Variants in ZC3H13 observed in about 807,000 individuals in gnomAD.
ZC3H13 encodes the protein zinc finger CCCH domain-containing protein 13.
Under a neutral mutation model 204.1 loss-of-function variants are expected in ZC3H13, and 64 were observed. That is an observed-to-expected ratio of 0.31 (90% CI 0.26 to 0.39). The LOEUF is 0.39. ZC3H13 is among the 10% of genes least tolerant of loss of function. The pLI, the probability that ZC3H13 is intolerant of heterozygous loss-of-function variation, is 1.00. For missense variants in ZC3H13, 1,833 were observed against 2,082.7 expected (o/e 0.88, Z 2.33); for synonymous variants, 667 against 693.7 (o/e 0.96, Z 0.60).
At chr13:46,012,956 A>G (rs578034764) in intron 5 of ZC3H13, among the ~76,000 whole-genome samples, 4 of 152,354 alleles carry the variant, frequency 2.6e-5, no homozygotes, top group African/African-American at 9.6e-5. Context: ...AGAATGATTA[A>G]CAGTGTTTCT....
At chr13:45,989,952 T>C (rs2039853160) in intron 8 of ZC3H13, among the ~76,000 whole-genome samples, 1 of 152,248 alleles carries the variant, frequency 6.6e-6, no homozygotes, top group Non-Finnish European at 1.5e-5. Context: ...TCTCAAGAGC[T>C]AAAAGCTTAT....
chr13:46,037,445 G>A (rs921611510), intron 4 of ZC3H13, among the ~76,000 whole-genome samples: 56 of 152,238 alleles, frequency 3.7e-4, no homozygotes, highest in African/African-American at 1.2e-3. Flanking sequence ...GTATGTCTCC[G>A]TCATCAATAA....
At chr13:45,977,600 T>C (rs1953166459) in intron 11 of ZC3H13, among the ~76,000 whole-genome samples, 1 of 152,198 alleles carries the variant, frequency 6.6e-6, no homozygotes, top group Admixed American at 6.5e-5. Flanking sequence ...GCTGACAATC[T>C]CTGGGTTGTC....
Position 45,969,368 on chromosome 13 carries a change from T to G in ZC3H13, c.3176A>C (p.Lys1059Thr), listed in dbSNP as rs1239755294. ...KNGILEDSQK[K>T]EDTAFSDWSD... ...CCAGTCACTGAATGCTGTATCTTCT[T>G]TTTTCTGGGAGTCCTCTAGAATACC... Residue 1059 changes from lysine to threonine, a missense_variant, in exon 14 of 19, where the codon AAA becomes ACA. Transcript: ENST00000679008. 1.2e-6 allele frequency: 2 copies of G among 1,614,042 alleles called. No individual in the cohort carries two copies. The highest frequency in any genetic ancestry group is 1.7e-6 in the Non-Finnish European group (2 of 1,180,006).
chr13:45,983,113 A>C (rs1003265925), intron 10 of ZC3H13, among the ~76,000 whole-genome samples: 1 of 152,114 alleles, frequency 6.6e-6, no homozygotes, highest in African/African-American at 2.4e-5. Context: ...AACAAACTTT[A>C]TCTTAGAGAA....
At chr13:45,984,703 GGA>G (rs1270017411) in intron 10 of ZC3H13, among the ~76,000 whole-genome samples, 4 of 152,152 alleles carry the variant, frequency 2.6e-5, no homozygotes, top group Non-Finnish European at 5.9e-5. Flanking sequence ...CAGTGTTTGG[GGA>G]GAGGGGAGAA....
Position 46,045,583 on chromosome 13 carries a change from T to C in ZC3H13, c.-9-67A>G. 6 of 1,062,540 alleles carry C rather than the reference T, an allele frequency of 5.6e-6. No homozygotes were observed. In the South Asian group the frequency reaches 6.4e-5, roughly 11 times the overall value. 65.8% of individuals were successfully genotyped at this position (1,062,540 alleles called of 1,614,324 possible). ...AGTTTTAAATAACTGAGCCCACAGC[T>C]TACAAGTAGATAAAACTATAGGTAA... On this transcript the variant is annotated intron_variant, in intron 1 of 18. Coordinates refer to ENST00000679008, the MANE Select transcript of ZC3H13 (RefSeq NM_001330564.2).
chr13:46,042,262 G>C lies in ZC3H13; in HGVS notation c.241C>G (p.Pro81Ala). ...SSNYRRSPER[P>A]TGDLRERMKN... The stretch of plus-strand genomic sequence containing the variant: ...ATTCTTTCTCTAAGATCCCCTGTAG[G>C]TCTTTCTGGTGACCTTTGAACCAAA... The change falls in exon 4 of 19, where the codon CCT becomes GCT. Residue 81 changes from proline (P) to alanine (A), a missense_variant. Physicochemically the swap from Pro to Ala is conservative, Grantham distance 27 (BLOSUM62 -1). Transcript: ENST00000679008. The C allele has an allele frequency of 6.2e-7, 1 of 1,612,042 alleles. No homozygotes were observed. Among genetic ancestry groups the C allele is most frequent in the Non-Finnish European group, 8.5e-7 (1 of 1,178,660 alleles).
At position 45,954,767 on chromosome 13, in the gene ZC3H13, G is replaced by A. The variant is rs1732512399; in HGVS notation, c.*2360C>T. On this transcript the variant is annotated 3_prime_UTR_variant, in exon 19 of 19. Coordinates refer to ENST00000679008, the MANE Select transcript of ZC3H13 (RefSeq NM_001330564.2). Reference sequence around the variant, plus strand: ...ACAGAACAGATTTTCAAGTTAATAAGTCATAAAATCCTAATGTAGTCATAG... The same window carrying A: ...ACAGAACAGATTTTCAAGTTAATAAATCATAAAATCCTAATGTAGTCATAG... The A allele has an allele frequency of 6.6e-6, 1 of 152,176 alleles. No individual in the cohort carries two copies. Among genetic ancestry groups the A allele is most frequent in the Admixed American group, 6.6e-5 (1 of 15,266 alleles). The allele number at this position is 152,176 out of a possible 1,614,324, so 9.4% of individuals were successfully genotyped here.
chr13:45,971,005 T>G (rs1952537342), intron 12 of ZC3H13, among the ~76,000 whole-genome samples: 2 of 152,158 alleles, frequency 1.3e-5, no homozygotes, highest in Admixed American at 1.3e-4. Flanking sequence ...GGGTGGGAAA[T>G]GAGAGTCCAT....
chr13:45,981,420 T>C (rs952237605), intron 10 of ZC3H13, among the ~76,000 whole-genome samples: 6 of 152,146 alleles, frequency 3.9e-5, no homozygotes, highest in Admixed American at 1.3e-4. Flanking sequence ...GTCTTTGCTA[T>C]TGTGAATAGT....
intron 5 of ZC3H13, among the ~76,000 whole-genome samples, chr13:46,017,523 T>G (rs1405068594): frequency 6.6e-6 from 1 of 152,168 alleles, no homozygotes; most frequent in Non-Finnish European, 1.5e-5. Context: ...AAAATAGTTA[T>G]TTTTCATAAA....
intron 8 of ZC3H13, among the ~76,000 whole-genome samples, chr13:45,998,816 G>C (rs2040531560): frequency 6.6e-6 from 1 of 152,130 alleles, no homozygotes; most frequent in Admixed American, 6.5e-5. Flanking sequence ...AAAAGGCTGG[G>C]GAGGCTGTGG....
chr13:46,050,823 A>G (rs1426485370), intron 1 of ZC3H13, among the ~76,000 whole-genome samples: 1 of 59,662 alleles, frequency 1.7e-5, no homozygotes, highest in Non-Finnish European at 3.1e-5. Context: ...AATTTGTTAA[A>G]AAGACTGTGC....
chr13:46,042,372 G>T, intron 3 of ZC3H13, 97 bp from the exon 4 acceptor site: 1 of 761,152 alleles, frequency 1.3e-6, no homozygotes, highest in African/African-American at 1.8e-5. Flanking sequence ...TGTATTTACA[G>T]AAATAACCTC....
chr13:45,962,909 A>T (rs1160417959), intron 17 of ZC3H13: 8 of 985,318 alleles, frequency 8.1e-6, no homozygotes, highest in African/African-American at 3.5e-5. Context: ...GATGAGACAG[A>T]GACAGTGAAA....
chr13:45,963,791 G>C (rs773634128), intron 17 of ZC3H13, 51 bp downstream of exon 17: 1 of 1,608,364 alleles, frequency 6.2e-7, no homozygotes, highest in Non-Finnish European at 8.5e-7. Context: ...CCTTCAGATG[G>C]CATCTTAAAT....
In ZC3H13 at chr13:45,957,109, C is replaced by A; in HGVS notation, c.*18G>T. On this transcript the variant is annotated 3_prime_UTR_variant, in exon 19 of 19. Transcript: ENST00000679008. ...CTGAAGGAAGACAGTACCAAAAATACCATATTGAACTTCGGTCTTAAGACA... is the reference window on the plus strand; with the variant it reads ...CTGAAGGAAGACAGTACCAAAAATAACATATTGAACTTCGGTCTTAAGACA... The A allele has an allele frequency of 6.9e-7, 1 of 1,445,946 alleles. No homozygotes were observed. Among genetic ancestry groups the A allele is most frequent in the Non-Finnish European group, 9.2e-7 (1 of 1,087,170 alleles). 89.6% of individuals were successfully genotyped at this position (1,445,946 alleles called of 1,614,324 possible).
At chr13:46,039,860 T>C (rs375135116) in intron 4 of ZC3H13, among the ~76,000 whole-genome samples, 99 of 152,304 alleles carry the variant, frequency 6.5e-4, no homozygotes, top group African/African-American at 2.2e-3. Flanking sequence ...AGTGATGTCT[T>C]TGAAAGCTTG....
Sources: gnomAD v4.1 joint callset for allele counts (sites outside exome capture counted in the v4.1 genomes callset) on GRCh38, gnomAD v4.1.1 for gene constraint, MANE v1.5 for transcripts, NCBI Gene and HGNC (gene_info 2026-07-23, HGNC 2026-07-21) for gene names.